ADAMTSL1: variants seen among roughly 807,000 people sequenced by gnomAD.
ADAMTSL1 encodes the protein ADAMTS like 1, also known as ADAMTS-like protein 1.
Under a neutral mutation model 201.8 loss-of-function variants are expected in ADAMTSL1, and 126 were observed. The ratio of observed to expected loss-of-function variants is 0.62; its 90% CI spans 0.54 to 0.72. ADAMTSL1 has a LOEUF of 0.72. ADAMTSL1 is among the 30% of genes least tolerant of loss of function. The pLI, the probability that ADAMTSL1 is intolerant of heterozygous loss-of-function variation, is 0.00. For synonymous variants in ADAMTSL1, 1,121 were observed against 903.4 expected (o/e 1.24, Z -4.32); for missense variants, 2,679 against 2,277.8 (o/e 1.18, Z -3.59).
At chr9:18,526,123 C>G (rs1351208103) in intron 2 of ADAMTSL1, among the ~76,000 whole-genome samples, 1 of 152,164 alleles carries the variant, frequency 6.6e-6, no homozygotes, top group Non-Finnish European at 1.5e-5. Flanking sequence ...AATCTGGGTG[C>G]TCCTGTGTTG....
chr9:18,587,112 A>G (rs10963653), intron 4 of ADAMTSL1, among the ~76,000 whole-genome samples: 12,403 of 152,256 alleles, frequency 0.081, 527 homozygotes, highest in East Asian at 0.11. Flanking sequence ...ATCTAATTAA[A>G]CTAAAGAGCT....
At chr9:18,169,529 C>G (rs1284371443) in intron 2 of ADAMTSL1, among the ~76,000 whole-genome samples, 1 of 151,988 alleles carries the variant, frequency 6.6e-6, no homozygotes, top group African/African-American at 2.4e-5. Context: ...GTTACTGTAG[C>G]CTTGTAGTAT....
intron 2 of ADAMTSL1, among the ~76,000 whole-genome samples, chr9:18,271,911 T>A (rs920794082): frequency 2.0e-5 from 3 of 152,040 alleles, no homozygotes; most frequent in African/African-American, 7.2e-5. Flanking sequence ...TTGATTTGCA[T>A]TTCTCTGATG....
intron 2 of ADAMTSL1, among the ~76,000 whole-genome samples, chr9:18,201,985 C>A (rs888656973): frequency 2.6e-5 from 4 of 152,090 alleles, no homozygotes. Context: ...GACATACTTT[C>A]TAAATACACT....
At chr9:18,815,624 C>A (rs1823789667) in intron 20 of ADAMTSL1, among the ~76,000 whole-genome samples, 1 of 145,094 alleles carries the variant, frequency 6.9e-6, no homozygotes, top group South Asian at 2.2e-4. Flanking sequence ...GGAAGGATCA[C>A]TTGAGCTTGG....
chr9:18,822,004 C>T (rs1437967486), intron 21 of ADAMTSL1, among the ~76,000 whole-genome samples: 2 of 152,164 alleles, frequency 1.3e-5, no homozygotes, highest in East Asian at 1.9e-4. Flanking sequence ...AGCTCTTTTA[C>T]TGATCCTTTC....
At chr9:17,983,065 TTTCTTTCTTTC>T (rs917209594) in intron 1 of ADAMTSL1, among the ~76,000 whole-genome samples, 10 of 28,262 alleles carry the variant, frequency 3.5e-4, no homozygotes, top group Non-Finnish European at 9.7e-4. Flanking sequence ...CTTTTCTTTC[TTTCTTTCTTTC>T]TTTTTTTTTT....
intron 1 of ADAMTSL1, among the ~76,000 whole-genome samples, chr9:18,032,404 C>T (rs77591991): frequency 0.021 from 3,195 of 152,262 alleles, 37 homozygotes; most frequent in Non-Finnish European, 0.029. Context: ...CTGAGGAGTC[C>T]GAACTGCTCT....
At chr9:18,486,354 C>G (rs746446052) in intron 1 of ADAMTSL1, among the ~76,000 whole-genome samples, 2 of 152,222 alleles carry the variant, frequency 1.3e-5, no homozygotes, top group Admixed American at 1.3e-4. Flanking sequence ...ACTGTTGTGA[C>G]TTAACCCTTT....
chr9:18,828,169 C>T (rs1388616777), intron 22 of ADAMTSL1, among the ~76,000 whole-genome samples: 1 of 152,150 alleles, frequency 6.6e-6, no homozygotes, highest in African/African-American at 2.4e-5. Flanking sequence ...TCCATGTCAC[C>T]TGGACACTGG....
At chr9:18,552,252 T>C (rs1820835580) in intron 3 of ADAMTSL1, among the ~76,000 whole-genome samples, 1 of 151,882 alleles carries the variant, frequency 6.6e-6, no homozygotes, top group African/African-American at 2.4e-5. Context: ...CAGCTTTAGT[T>C]GCATCCCGCA....
chr9:18,131,635 C>G (rs1463147050), intron 1 of ADAMTSL1, among the ~76,000 whole-genome samples: 2 of 152,118 alleles, frequency 1.3e-5, no homozygotes. Context: ...TTTCTTATCC[C>G]TCATAAGCTC....
chr9:18,415,915 A>G (rs1818654118), intron 2 of ADAMTSL1, among the ~76,000 whole-genome samples: 1 of 151,994 alleles, frequency 6.6e-6, no homozygotes. Context: ...TACTGAAAGG[A>G]AAAAAAGGTG....
At position 18,817,209 on chromosome 9, in the gene ADAMTSL1, G is replaced by C. The variant is rs540070541; in HGVS notation, c.3906G>C (p.Val1302=). 1.9e-6 allele frequency: 3 copies of C among 1,561,164 alleles called. No homozygotes were observed. The African/African-American group carries it at 4.1e-5, about 21-fold the overall frequency. ...GCACCATCAAAACAGTGCAGGGAGT[G>C]AATGTGACAATCAACTGCCAGGTTG... is the stretch of plus-strand genomic sequence containing the variant. The part of the protein sequence containing the change: ...IGSTIKTVQG[V]NVTINCQVAG... Residue 1302 remains valine (V), a synonymous_variant, in exon 21 of 29, where the codon GTG becomes GTC. Coordinates refer to ENST00000380548, the MANE Select transcript of ADAMTSL1 (RefSeq NM_001040272.6).
Position 18,892,511 on chromosome 9 carries a change from GCACCCAGGTCGCCAAGCGGCCTGTGGA to G in ADAMTSL1, c.4775_4801del (p.Val1592_Gln1600del). 1 of 1,603,506 alleles carries G rather than the reference GCACCCAGGTCGCCAAGCGGCCTGTGGA, an allele frequency of 6.2e-7. No homozygotes were observed. The highest frequency in any genetic ancestry group is 2.2e-5 in the East Asian group (1 of 44,482). On this transcript the variant is annotated inframe_deletion, in exon 26 of 29. Transcript: ENST00000380548. ...TCCACCCCTGTGTCCAATGACATGTGCACCCAGGTCGCCAAGCGGCCTGTGGACACCCAGGCCTGTAACCAGCAGCTG... is the reference window on the plus strand; with the variant it reads ...TCCACCCCTGTGTCCAATGACATGTGCACCCAGGCCTGTAACCAGCAGCTG...
At chr9:18,584,139 C>G (rs1344457651) in intron 4 of ADAMTSL1, among the ~76,000 whole-genome samples, 4 of 152,158 alleles carry the variant, frequency 2.6e-5, no homozygotes, top group African/African-American at 9.6e-5. Context: ...TGTCCCCACC[C>G]TAATCTTACC....
At chr9:17,984,042 C>T (rs997401724) in intron 1 of ADAMTSL1, among the ~76,000 whole-genome samples, 1 of 152,108 alleles carries the variant, frequency 6.6e-6, no homozygotes, top group African/African-American at 2.4e-5. Flanking sequence ...GAATGTAAGA[C>T]TTTACAATTT....
At chr9:18,564,660 T>C (rs538991629) in intron 3 of ADAMTSL1, among the ~76,000 whole-genome samples, 1 of 152,184 alleles carries the variant, frequency 6.6e-6, no homozygotes, top group Non-Finnish European at 1.5e-5. Context: ...GCTTATAAAA[T>C]GAAATTGTAT....
intron 1 of ADAMTSL1, among the ~76,000 whole-genome samples, chr9:18,096,865 CAT>C (rs1289895880): frequency 1.3e-5 from 2 of 152,160 alleles, no homozygotes; most frequent in African/African-American, 4.8e-5. Context: ...CTCTAGAACT[CAT>C]ATAAATAATA....
Sources: gnomAD v4.1 joint callset for allele counts (sites outside exome capture counted in the v4.1 genomes callset) on GRCh38, gnomAD v4.1.1 for gene constraint, MANE v1.5 for transcripts, NCBI Gene and HGNC (gene_info 2026-07-23, HGNC 2026-07-21) for gene names.